SMTN: variants seen among roughly 807,000 people sequenced by gnomAD.
SMTN encodes smoothelin.
A neutral mutation model predicts 102.0 loss-of-function variants in SMTN; 58 were observed. That is an observed-to-expected ratio of 0.57 (90% CI 0.46 to 0.71). SMTN has a LOEUF of 0.71. Among genes scored for constraint, SMTN ranks in the 30% least tolerant of loss-of-function variants. The pLI is 0.00. For synonymous variants in SMTN, 478 were observed against 497.9 expected, an observed-to-expected ratio of 0.96 and a Z score of 0.53; for missense variants, 1,185 against 1,241.7, an observed-to-expected ratio of 0.95 and a Z score of 0.69.
intron 1 of SMTN, among the ~76,000 whole-genome samples, chr22:31,073,398 G>T (rs2042054858): frequency 6.6e-6 from 1 of 152,152 alleles, no homozygotes; most frequent in Non-Finnish European, 1.5e-5. Context: ...AGTTAGTAGA[G>T]TCACGTGACT....
intron 15 of SMTN, 89 bp downstream of exon 15, chr22:31,097,149 C>T: frequency 6.6e-7 from 1 of 1,505,602 alleles, no homozygotes; most frequent in South Asian, 1.1e-5. Context: ...GTGTCTTCAA[C>T]TGTGCCGTCA....
rs372208979 is a variant in SMTN at position 31,088,751 on chromosome 22, G to A, written c.347G>A (p.Arg116His). ...EERKLIRAAI[R>H]RVRAQEIEAA... Reference sequence around the variant, plus strand: ...CGCAAGCTGATCCGAGCTGCCATCCGCCGTGTACGGGCTCAGGAGATTGAG... The same window carrying A: ...CGCAAGCTGATCCGAGCTGCCATCCACCGTGTACGGGCTCAGGAGATTGAG... The change falls in exon 5 of 21, where the codon CGC (arginine) becomes CAC (histidine). Residue 116 changes from arginine to histidine, a missense_variant. Arg to His is a conservative substitution (Grantham distance 29). This residue lies in a region of SMTN where 1,096 missense variants were observed against 1,112.7 expected (regional missense o/e 0.98). Transcript: ENST00000333137. The A allele has an allele frequency of 1.1e-4, 171 of 1,612,944 alleles. No individual in the cohort carries two copies. Among genetic ancestry groups the A allele is most frequent in the Non-Finnish European group, 1.4e-4 (164 of 1,179,472 alleles).
At chr22:31,088,836 C>A in intron 5 of SMTN, 36 bp from the exon 6 acceptor site, 1 of 1,611,876 alleles carries the variant, frequency 6.2e-7, no homozygotes, top group Non-Finnish European at 8.5e-7. Context: ...CAGCACCTCC[C>A]TGTCACTCAC....
At position 31,095,176 on chromosome 22, in the gene SMTN, C is replaced by A. The variant is rs935556837; in HGVS notation, c.1633-127C>A. The stretch of plus-strand genomic sequence containing the variant: ...ACATGGCCATCTTTGGGCAGGCAGG[C>A]TGGCAGGCTAGTGGTTATTTCCAAG... On this transcript the variant is annotated intron_variant, in intron 11 of 20. Coordinates refer to ENST00000333137, the MANE Select transcript of SMTN (RefSeq NM_134269.3). The surrounding 1 kb of genome is among the most constrained non-coding windows in gnomAD (Gnocchi z 4.1). 22 of 943,346 alleles carry A rather than the reference C, an allele frequency of 2.3e-5. No homozygotes were observed. The highest frequency in any genetic ancestry group is 3.4e-4 in the Middle Eastern group (1 of 2,956). 58.4% of individuals were successfully genotyped at this position (943,346 alleles called of 1,614,324 possible).
intron 11 of SMTN, among the ~76,000 whole-genome samples, chr22:31,094,596 CT>C (rs1337780911): frequency 6.6e-6 from 1 of 151,442 alleles, no homozygotes; most frequent in Non-Finnish European, 1.5e-5. Flanking sequence ...AGATCCCAGG[CT>C]GCATCACACT....
chr22:31,095,913 T>A lies in SMTN; in HGVS notation c.1861+304T>A. 1.3e-5 allele frequency: 6 copies of A among 444,664 alleles called. No homozygotes were observed. The highest frequency in any genetic ancestry group is 4.7e-5 in the East Asian group (1 of 21,470). The allele number at this position is 444,664 out of a possible 1,614,324, so 27.5% of individuals were successfully genotyped here. Reference sequence around the variant, plus strand: ...GATCCAGTTGCCTCTCAAAGTACTGTCAACGACTCCTTCCCTGAATCCAGA... The same window carrying A: ...GATCCAGTTGCCTCTCAAAGTACTGACAACGACTCCTTCCCTGAATCCAGA... On this transcript the variant is annotated intron_variant, in intron 13 of 20. Transcript: ENST00000333137. This position sits in a 1 kb window ranked among gnomAD's most constrained non-coding sequence, Gnocchi z 4.1.
At chr22:31,070,296 G>A (rs2041966143) in intron 1 of SMTN, among the ~76,000 whole-genome samples, 1 of 152,114 alleles carries the variant, frequency 6.6e-6, no homozygotes, top group Non-Finnish European at 1.5e-5. Flanking sequence ...AAGGAGCTCC[G>A]TTTTCTCATT....
rs368398166 is a variant in SMTN at position 31,099,752 on chromosome 22, A to T, written c.2459A>T (p.Asp820Val). 3.5e-5 allele frequency: 56 copies of T among 1,613,846 alleles called. No homozygotes were observed. Among genetic ancestry groups the T allele is most frequent in the Non-Finnish European group, 4.7e-5 (55 of 1,179,904 alleles). Reference sequence around the variant, plus strand: ...TCCTCCTACGGCTTATAGCACGTCGACATCCAGAACTTCTCCTCCAGCTGG... The same window carrying T: ...TCCTCCTACGGCTTATAGCACGTCGTCATCCAGAACTTCTCCTCCAGCTGG... ...RAKTRGYEHVDIQNFSSSWSD... is the reference protein window; with the variant it reads ...RAKTRGYEHVVIQNFSSSWSD... Residue 820 changes from aspartate (D) to valine (V), a missense_variant, in exon 19 of 21, where the codon GAC (aspartate) becomes GTC (valine). Physicochemically the swap from Asp to Val is radical, Grantham distance 152. Coordinates refer to ENST00000333137, the MANE Select transcript of SMTN (RefSeq NM_134269.3).
chr22:31,096,116 C>A, intron 13 of SMTN: 1 of 176,360 alleles, frequency 5.7e-6, no homozygotes, highest in Non-Finnish European at 1.2e-5. Flanking sequence ...CTCTCAAACA[C>A]TCTCAATTAC....
At chr22:31,079,130 G>T (rs2042199540), upstream of SMTN, among the ~76,000 whole-genome samples, 1 of 152,210 alleles carries the variant, frequency 6.6e-6, no homozygotes, top group African/African-American at 2.4e-5. Context: ...AGTAGTGGGA[G>T]CCCCACGTCT....
At chr22:31,093,742 G>C (rs763314164) in intron 11 of SMTN, 1 of 1,454,810 alleles carries the variant, frequency 6.9e-7, no homozygotes, top group Admixed American at 1.7e-5. Context: ...GGAGCCCAGC[G>C]AGCTGCTCCT....
In SMTN at chr22:31,095,378, A is replaced by C. The variant is rs1450725886; in HGVS notation, c.1708A>C (p.Lys570Gln). The stretch of plus-strand genomic sequence containing the variant: ...TGGGGCTGAGCAGACCCGAGTGAAC[A>C]AAGCACCAGAAGGGCGGAGCCCTCT... ...ANGAEQTRVN[K>Q]APEGRSPLSA... Residue 570 changes from lysine to glutamine, a missense_variant, in exon 12 of 21, where the codon AAA becomes CAA. Coordinates refer to ENST00000333137, the MANE Select transcript of SMTN (RefSeq NM_134269.3). This position sits in a 1 kb window ranked among gnomAD's most constrained non-coding sequence, Gnocchi z 4.1. 1.9e-6 allele frequency: 3 copies of C among 1,614,234 alleles called. No individual in the cohort carries two copies. The East Asian group carries it at 6.7e-5, about 36-fold the overall frequency.
At chr22:31,082,879 C>T in intron 1 of SMTN, 1 of 1,541,030 alleles carries the variant, frequency 6.5e-7, no homozygotes, top group Non-Finnish European at 8.8e-7. Context: ...CCTGGCTTCT[C>T]AATCCAGGTC....
At chr22:31,100,580 T>G (rs2043998517) in intron 19 of SMTN, among the ~76,000 whole-genome samples, 1 of 149,722 alleles carries the variant, frequency 6.7e-6, no homozygotes, top group African/African-American at 2.4e-5. Flanking sequence ...CCACCCCGCG[T>G]TCCCGCTTGC....
chr22:31,068,792 G>A (rs572221959), intron 1 of SMTN, among the ~76,000 whole-genome samples: 2 of 152,256 alleles, frequency 1.3e-5, no homozygotes, highest in East Asian at 1.9e-4. Flanking sequence ...AATCATTTCC[G>A]ATCGTCAGTG....
intron 2 of SMTN, among the ~76,000 whole-genome samples, chr22:31,085,451 G>T (rs993143256): frequency 6.6e-6 from 1 of 152,228 alleles, no homozygotes; most frequent in African/African-American, 2.4e-5. Flanking sequence ...CCGTTGTGCT[G>T]TTGGGGAGAC....
chr22:31,086,581 A>G (rs2042719596), intron 2 of SMTN, among the ~76,000 whole-genome samples: 1 of 152,126 alleles, frequency 6.6e-6, no homozygotes, highest in Non-Finnish European at 1.5e-5. Flanking sequence ...TTGCAACTGC[A>G]GCTATGTACA....
Position 31,104,572 on chromosome 22 carries a change from C to A in SMTN, c.*277C>A, listed in dbSNP as rs1350601775. The A allele has an allele frequency of 2.7e-6, 3 of 1,131,882 alleles. No homozygotes were observed. Among genetic ancestry groups the A allele is most frequent in the Non-Finnish European group, 3.9e-6 (3 of 771,662 alleles). 70.1% of individuals were successfully genotyped at this position (1,131,882 alleles called of 1,614,324 possible). A position where few individuals can be genotyped will look rare whatever the true frequency, so the allele number is the denominator to read the frequency against. On this transcript the variant is annotated 3_prime_UTR_variant, in exon 21 of 21. Transcript: ENST00000333137. ...ACCGCTGCCCTGTCTGTTGCGACAC[C>A]CTCCCCCCCACATACACACGCAGCG...
intron 2 of SMTN, chr22:31,084,873 C>A: frequency 9.6e-7 from 1 of 1,044,516 alleles, no homozygotes. Context: ...TACTGCGCCC[C>A]GCGCGCCGGC....
Sources: allele counts gnomAD v4.1 joint callset (sites outside exome capture counted in the v4.1 genomes callset), GRCh38; gene constraint gnomAD v4.1.1; regional missense constraint gnomAD v4.1.1; non-coding constraint Gnocchi (gnomAD v3.1); transcripts MANE v1.5; gene names NCBI Gene and HGNC (gene_info 2026-07-23, HGNC 2026-07-21).